Variants in ADAM28 observed in about 807,000 individuals in gnomAD.
The protein encoded by ADAM28 is ADAM metallopeptidase domain 28.
A neutral mutation model predicts 101.2 loss-of-function variants in ADAM28; 105 were observed. The ratio of observed to expected loss-of-function variants is 1.04; its 90% CI spans 0.89 to 1.22. ADAM28 has a LOEUF of 1.22. Among genes scored for constraint, ADAM28 ranks in the 50% most tolerant of loss-of-function variants. ADAM28 has a pLI of 0.00. For synonymous variants in ADAM28, 322 were observed against 310.6 expected (o/e 1.04, Z -0.39); for missense variants, 1,028 against 945.4 (o/e 1.09, Z -1.15).
chr8:24,319,059 T>C (rs1339699004), intron 6 of ADAM28, among the ~76,000 whole-genome samples: 1 of 151,964 alleles, frequency 6.6e-6, no homozygotes, highest in Non-Finnish European at 1.5e-5. Flanking sequence ...CCTCCTACTC[T>C]TTACTCCCCG....
chr8:24,313,315 T>C lies in ADAM28; in HGVS notation c.384-73T>C, dbSNP rs1810716713. On this transcript the variant is annotated intron_variant, in intron 5 of 22. Transcript: ENST00000265769. ...ACTAGGAATTTTAAAGGTCCTCTTT[T>C]GGATCTTATAAATCTGTATGAACCT... 3 of 1,385,870 alleles carry C rather than the reference T, an allele frequency of 2.2e-6. No homozygotes were observed. In the East Asian group the frequency reaches 7.3e-5, roughly 34 times the overall value. 85.8% of individuals were successfully genotyped at this position (1,385,870 alleles called of 1,614,324 possible). A position where few individuals can be genotyped will look rare whatever the true frequency, so the allele number is the denominator to read the frequency against.
In ADAM28 at chr8:24,342,040, G is replaced by A. The variant is rs143818341; in HGVS notation, c.1830+283G>A. Among the ~76,000 whole-genome samples, 29 of 152,296 alleles carry A rather than the reference G, an allele frequency of 1.9e-4. No individual in the cohort carries two copies. The East Asian group carries it at 4.2e-3, about 22-fold the overall frequency. Reference sequence around the variant, plus strand: ...ATTATTTCAAGAAGAGTATCATATCGTCATGCAGATAACACACAGTAGCAT... The same window carrying A: ...ATTATTTCAAGAAGAGTATCATATCATCATGCAGATAACACACAGTAGCAT... On this transcript the variant is annotated intron_variant, in intron 16 of 22. Transcript: ENST00000265769.
chr8:24,349,120 A>G (rs1815760928), intron 18 of ADAM28, among the ~76,000 whole-genome samples: 1 of 152,152 alleles, frequency 6.6e-6, no homozygotes, highest in South Asian at 2.1e-4. Flanking sequence ...TCTTGCATTT[A>G]TACAAATATT....
chr8:24,302,404 C>A (rs777762851), intron 2 of ADAM28, among the ~76,000 whole-genome samples: 8 of 152,180 alleles, frequency 5.3e-5, no homozygotes, highest in Admixed American at 1.3e-4. Flanking sequence ...TGAACATGTG[C>A]ATGCATGTAT....
At chr8:24,308,749 C>G (rs1810036316) in intron 2 of ADAM28, 2 of 455,290 alleles carry the variant, frequency 4.4e-6, no homozygotes, top group South Asian at 3.1e-5. Context: ...CAGACCTCAA[C>G]AACTGAGGAT....
At chr8:24,337,555 G>C (rs1277869275) in intron 14 of ADAM28, among the ~76,000 whole-genome samples, 1 of 152,130 alleles carries the variant, frequency 6.6e-6, no homozygotes, top group Non-Finnish European at 1.5e-5. Flanking sequence ...TTAGTAAAAA[G>C]CTCAAAATTG....
At chr8:24,353,621 T>A in intron 21 of ADAM28, 149 bp from the exon 22 acceptor site, 1 of 615,254 alleles carries the variant, frequency 1.6e-6, no homozygotes, top group Non-Finnish European at 2.9e-6. Context: ...GTTGAGTAGT[T>A]GGAATTTGAA....
intron 14 of ADAM28, among the ~76,000 whole-genome samples, chr8:24,336,843 A>G (rs1814155164): frequency 6.6e-6 from 1 of 152,112 alleles, no homozygotes; most frequent in African/African-American, 2.4e-5. Flanking sequence ...TGTATGATGT[A>G]CATGTATTTA....
At chr8:24,310,988 G>T (rs1407563843) in intron 4 of ADAM28, among the ~76,000 whole-genome samples, 1 of 152,170 alleles carries the variant, frequency 6.6e-6, no homozygotes, top group African/African-American at 2.4e-5. Flanking sequence ...TTGGAAAAAA[G>T]CTTGTAGATC....
At chr8:24,321,359 C>CGTGAGATG in intron 8 of ADAM28, 70 bp downstream of exon 8, 1 of 1,260,176 alleles carries the variant, frequency 7.9e-7, no homozygotes, top group Non-Finnish European at 1.2e-6. Context: ...TTTCAATGAA[C>CGTGAGATG]GCACATGAAG....
intron 5 of ADAM28, 55 bp downstream of exon 5, chr8:24,311,492 A>G (rs1285122464): frequency 1.4e-6 from 2 of 1,420,012 alleles, no homozygotes; most frequent in East Asian, 2.3e-5. Flanking sequence ...TTATGTATGT[A>G]TCTAACCAAC....
intron 14 of ADAM28, among the ~76,000 whole-genome samples, chr8:24,337,382 T>C (rs894095150): frequency 5.9e-5 from 9 of 152,244 alleles, no homozygotes; most frequent in African/African-American, 1.9e-4. Context: ...TATTATCTTG[T>C]AGTAAATATT....
chr8:24,320,366 A>C lies in ADAM28; in HGVS notation c.648+59A>C, dbSNP rs529404617. ...AACTCCCACCCACATATATTTATTT[A>C]TTATGTGAGACATTAAATATCTGGA... On this transcript the variant is annotated intron_variant, in intron 7 of 22. Transcript: ENST00000265769. 6 of 1,086,542 alleles carry C rather than the reference A, an allele frequency of 5.5e-6. No homozygotes were observed. In the Admixed American group the frequency reaches 1.3e-4, roughly 23 times the overall value. The allele number at this position is 1,086,542 out of a possible 1,614,324, so 67.3% of individuals were successfully genotyped here.
At chr8:24,333,129 GCAAA>G (rs1259023172) in intron 13 of ADAM28, among the ~76,000 whole-genome samples, 2 of 152,230 alleles carry the variant, frequency 1.3e-5, no homozygotes, top group South Asian at 2.1e-4. Context: ...TTGAATACAC[GCAAA>G]CAGAGTAGAA....
At chr8:24,303,719 A>T (rs1809152761) in intron 2 of ADAM28, among the ~76,000 whole-genome samples, 1 of 152,224 alleles carries the variant, frequency 6.6e-6, no homozygotes, top group African/African-American at 2.4e-5. Flanking sequence ...CTGATTCTAT[A>T]AATTACTGTG....
rs1343962940 is a variant in ADAM28 at position 24,335,461 on chromosome 8, A to T, written c.1387A>T (p.Met463Leu). 1 of 1,612,426 alleles carries T rather than the reference A, an allele frequency of 6.2e-7. No individual in the cohort carries two copies. Among genetic ancestry groups the T allele is most frequent in the Non-Finnish European group, 8.5e-7 (1 of 1,179,176 alleles). Residue 463 changes from methionine to leucine, a missense_variant, in exon 14 of 23, where the codon ATG becomes TTG. Transcript: ENST00000265769. ...CEKCQFKKAG[M>L]VCRPAKDECD... is the part of the protein sequence containing the mutation. ...TTTTCTACAGTTTAAAAAGGCTGGG[A>T]TGGTGTGCAGACCAGCAAAAGATGA...
intron 6 of ADAM28, among the ~76,000 whole-genome samples, chr8:24,315,597 C>T (rs903190178): frequency 3.3e-5 from 5 of 151,792 alleles, no homozygotes; most frequent in Non-Finnish European, 5.9e-5. Context: ...AGAATTATTA[C>T]CAATACTTTT....
At chr8:24,337,092 A>G (rs984006268) in intron 14 of ADAM28, among the ~76,000 whole-genome samples, 1 of 152,356 alleles carries the variant, frequency 6.6e-6, no homozygotes, top group South Asian at 2.1e-4. Flanking sequence ...AAGACCCTAG[A>G]AAAACCTCCC....
At chr8:24,316,174 A>G (rs1811136355) in intron 6 of ADAM28, among the ~76,000 whole-genome samples, 1 of 151,880 alleles carries the variant, frequency 6.6e-6, no homozygotes, top group Non-Finnish European at 1.5e-5. Flanking sequence ...ATTTGTAAAC[A>G]TTCTATAGCA....
Sources: allele counts gnomAD v4.1 joint callset (sites outside exome capture counted in the v4.1 genomes callset), GRCh38; gene constraint gnomAD v4.1.1; transcripts MANE v1.5; gene names NCBI Gene and HGNC (gene_info 2026-07-23, HGNC 2026-07-21).